Variants in FGF18 observed in about 807,000 individuals in gnomAD.
The protein encoded by FGF18 is fibroblast growth factor 18.
Under a neutral mutation model 23.0 loss-of-function variants are expected in FGF18, and 5 were observed. The observed-to-expected ratio is 0.22, with a 90% CI of 0.11 to 0.46. FGF18 has a LOEUF of 0.46. Among genes scored for constraint, FGF18 ranks in the 20% least tolerant of loss-of-function variants. FGF18 has a pLI of 0.99. For missense variants in FGF18, 180 were observed against 291.6 expected, an observed-to-expected ratio of 0.62 and a Z score of 2.79; for synonymous variants, 117 against 118.9, an observed-to-expected ratio of 0.98 and a Z score of 0.10.
chr5:171,453,899 C>A lies in FGF18; in HGVS notation c.358-2640C>A, dbSNP rs578205896. On this transcript the variant is annotated intron_variant, in intron 4 of 4. Transcript: ENST00000274625. Reference sequence around the variant, plus strand: ...GAGTCTGTTTTCTTCAGGAGGAAACCCCTTTCATGTGTCATCCCACCGTTT... The same window carrying A: ...GAGTCTGTTTTCTTCAGGAGGAAACACCTTTCATGTGTCATCCCACCGTTT... Among the ~76,000 whole-genome samples, 7 of 151,942 alleles carry A rather than the reference C, an allele frequency of 4.6e-5. No homozygotes were observed. The South Asian group carries it at 6.3e-4, about 14-fold the overall frequency.
chr5:171,450,515 C>T (rs1281766309), intron 4 of FGF18, among the ~76,000 whole-genome samples: 3 of 152,228 alleles, frequency 2.0e-5, no homozygotes. Context: ...GGGCACTTGT[C>T]CCAGGTCCCA....
intron 4 of FGF18, among the ~76,000 whole-genome samples, chr5:171,453,623 G>A (rs961233385): frequency 6.6e-6 from 1 of 152,122 alleles, no homozygotes; most frequent in Non-Finnish European, 1.5e-5. Flanking sequence ...GGGCAAGGCC[G>A]ATTTGCTTCT....
rs142736846 is a variant in FGF18, at chr5:171,449,223, C to T, written c.327C>T (p.Cys109=). 1.9e-5 allele frequency: 30 copies of T among 1,614,032 alleles called. No individual in the cohort carries two copies. Among genetic ancestry groups the T allele is most frequent in the Non-Finnish European group, 2.5e-5 (30 of 1,179,924 alleles). ...IKGKETEFYL[C]MNRKGKLVGK... is the part of the protein sequence containing the mutation. The stretch of plus-strand genomic sequence containing the variant: ...GCAAGGAGACGGAATTCTACCTGTG[C>T]ATGAACCGCAAAGGCAAGCTCGTGG... Residue 109 remains cysteine (C), a synonymous_variant, in exon 4 of 5, where the codon TGC becomes TGT. Transcript: ENST00000274625.
chr5:171,432,800 G>A (rs1271567086), intron 2 of FGF18, among the ~76,000 whole-genome samples: 1 of 152,222 alleles, frequency 6.6e-6, no homozygotes, highest in Non-Finnish European at 1.5e-5. Context: ...GGGCACTCTG[G>A]TTGGTAAGTG....
intron 2 of FGF18, among the ~76,000 whole-genome samples, chr5:171,431,596 C>T (rs555064902): frequency 6.6e-6 from 1 of 152,194 alleles, no homozygotes; most frequent in Admixed American, 6.5e-5. Context: ...GGGCTGGGGA[C>T]AGTTGGGATC....
intron 3 of FGF18, among the ~76,000 whole-genome samples, chr5:171,446,403 A>G (rs1303897327): frequency 2.0e-5 from 3 of 152,170 alleles, no homozygotes; most frequent in Non-Finnish European, 4.4e-5. Flanking sequence ...CCCAGTAGAA[A>G]GAGGCAGGCA....
At chr5:171,446,173 C>A (rs967244084) in intron 3 of FGF18, among the ~76,000 whole-genome samples, 11 of 152,238 alleles carry the variant, frequency 7.2e-5, no homozygotes, top group South Asian at 2.1e-4. Context: ...GAACAGACTT[C>A]TGGCTCCCCT....
rs555864812 is a variant in FGF18 at position 171,432,673 on chromosome 5, G to A, written c.70-3420G>A. On this transcript the variant is annotated intron_variant, in intron 2 of 4. Transcript: ENST00000274625. ...TTGAACTCCTGGCCTCAAGCGATCC[G>A]CCCACCTCGGCCTTCCAAAGTGCTG... Among the ~76,000 whole-genome samples the A allele has an allele frequency of 1.6e-4, 25 of 152,240 alleles. 1 individual carries two copies. The South Asian group carries it at 2.5e-3, about 15-fold the overall frequency.
chr5:171,425,007 G>A (rs1772069929), intron 2 of FGF18, among the ~76,000 whole-genome samples: 1 of 152,214 alleles, frequency 6.6e-6, no homozygotes, highest in South Asian at 2.1e-4. Context: ...GGTCACAGAT[G>A]CAGCCTCCAC....
At chr5:171,454,481 G>A (rs78519289) in intron 4 of FGF18, among the ~76,000 whole-genome samples, 2,268 of 152,164 alleles carry the variant, frequency 0.015, 58 homozygotes, top group African/African-American at 0.052. Context: ...CGCTGCTCAC[G>A]CCACCCATAC....
chr5:171,420,460 C>G lies in FGF18; in HGVS notation c.69+17C>G, dbSNP rs751511416. The G allele has an allele frequency of 1.9e-6, 3 of 1,612,244 alleles. No individual in the cohort carries two copies. The highest frequency in any genetic ancestry group is 1.3e-5 in the African/African-American group (1 of 75,022). ...CAGGTACAGGTACGTGGGCTCCTGA[C>G]TTTGACCTCCTCCCGCCCCTGCCTC... On this transcript the variant is annotated intron_variant, in intron 2 of 4. Transcript: ENST00000274625.
intron 3 of FGF18, among the ~76,000 whole-genome samples, chr5:171,438,728 G>A (rs1157879307): frequency 6.6e-6 from 1 of 152,044 alleles, no homozygotes; most frequent in African/African-American, 2.4e-5. Flanking sequence ...TGAGGCCAAG[G>A]GACCCCATCT....
intron 4 of FGF18, among the ~76,000 whole-genome samples, chr5:171,454,397 G>T (rs969592886): frequency 1.3e-5 from 2 of 152,054 alleles, no homozygotes; most frequent in African/African-American, 4.8e-5. Flanking sequence ...TTTCCATGGG[G>T]TACCCAGAGC....
rs1772604965 is a variant in FGF18, at chr5:171,457,567, A to T, written c.*762A>T. On this transcript the variant is annotated 3_prime_UTR_variant, in exon 5 of 5. Coordinates refer to ENST00000274625, the MANE Select transcript of FGF18 (RefSeq NM_003862.3). ...TCACCTCTCTGTATATTGCAGTTTC[A>T]TGAACCAAGTATTACTGCCTCAACA... is the stretch of plus-strand genomic sequence containing the variant. 6.6e-6 allele frequency: 1 copy of T among 152,078 alleles called. No homozygotes were observed. The highest frequency in any genetic ancestry group is 1.5e-5 in the Non-Finnish European group (1 of 68,024). The allele number at this position is 152,078 out of a possible 1,614,324, so 9.4% of individuals were successfully genotyped here.
chr5:171,442,925 A>T (rs1339452819), intron 3 of FGF18, among the ~76,000 whole-genome samples: 1 of 152,116 alleles, frequency 6.6e-6, no homozygotes, highest in Non-Finnish European at 1.5e-5. Context: ...CTGCCTGCGT[A>T]CCTTGGTCTG....
Position 171,454,927 on chromosome 5 carries a change from C to A in FGF18, c.358-1612C>A, listed in dbSNP as rs571849625. On this transcript the variant is annotated intron_variant, in intron 4 of 4. Coordinates refer to ENST00000274625, the MANE Select transcript of FGF18 (RefSeq NM_003862.3). The stretch of plus-strand genomic sequence containing the variant: ...CTAACACCCTGCCTCCTCACCACCC[C>A]CTGTCCAGATCAGATCCAAGGAAGG... Among the ~76,000 whole-genome samples, 3 of 152,366 alleles carry A rather than the reference C, an allele frequency of 2.0e-5. No individual in the cohort carries two copies. In the East Asian group the frequency reaches 5.8e-4, roughly 29 times the overall value.
At chr5:171,431,725 TAGA>T (rs1432909972) in intron 2 of FGF18, among the ~76,000 whole-genome samples, 1 of 152,198 alleles carries the variant, frequency 6.6e-6, no homozygotes, top group Non-Finnish European at 1.5e-5. Flanking sequence ...CTTGTTTCCG[TAGA>T]AGACTTCCTT....
At chr5:171,420,282 T>G (rs1173890390) in intron 1 of FGF18, 51 bp downstream of exon 1, 1 of 1,606,536 alleles carries the variant, frequency 6.2e-7, no homozygotes. Context: ...TCTGTCCGTA[T>G]GCCTGTGCCC....
At chr5:171,423,507 C>T (rs561667125) in intron 2 of FGF18, among the ~76,000 whole-genome samples, 2 of 152,204 alleles carry the variant, frequency 1.3e-5, no homozygotes, top group South Asian at 2.1e-4. Context: ...CCAGGCTCGG[C>T]GGGGTGGGGG....
Sources: allele counts gnomAD v4.1 joint callset (sites outside exome capture counted in the v4.1 genomes callset), GRCh38; gene constraint gnomAD v4.1.1; transcripts MANE v1.5; gene names NCBI Gene and HGNC (gene_info 2026-07-23, HGNC 2026-07-21).